PCDHA8: variants seen among roughly 807,000 people sequenced by gnomAD.
PCDHA8 encodes the protein protocadherin alpha-8.
In PCDHA8, 53 loss-of-function variants were observed where a neutral mutation model predicts 61.8. The observed-to-expected ratio is 0.86, with a 90% CI of 0.69 to 1.08. The LOEUF (loss-of-function observed/expected upper bound fraction) is 1.08, where lower values mean the gene tolerates loss of function less well. Among genes scored for constraint, PCDHA8 ranks in the 50% least tolerant of loss-of-function variants. The pLI, the probability that PCDHA8 is intolerant of heterozygous loss-of-function variation, is 0.00. For synonymous variants in PCDHA8, 618 were observed against 556.6 expected (o/e 1.11, Z -1.55); for missense variants, 1,293 against 1,245.0 (o/e 1.04, Z -0.58).
intron 1 of PCDHA8, among the ~76,000 whole-genome samples, chr5:140,957,326 C>G (rs2095350528): frequency 6.6e-6 from 1 of 152,118 alleles, no homozygotes; most frequent in African/African-American, 2.4e-5. Context: ...GAGCACAGTA[C>G]AGTAAGATAT....
At chr5:140,901,469 G>A (rs1056054450) in intron 1 of PCDHA8, among the ~76,000 whole-genome samples, 1 of 152,080 alleles carries the variant, frequency 6.6e-6, no homozygotes, top group African/African-American at 2.4e-5. Flanking sequence ...CTTTTCTCGA[G>A]TTTATGTTCT....
At position 140,896,858 on chromosome 5, in the gene PCDHA8, A is replaced by T. The variant is rs1448787828; in HGVS notation, c.2394+53143A>T. On this transcript the variant is annotated intron_variant, in intron 1 of 3. Coordinates refer to ENST00000531613, the MANE Select transcript of PCDHA8 (RefSeq NM_018911.3). Reference sequence around the variant, plus strand: ...TATTTTTTAATTTTATGGGTACATAATAAGTGTACATATTTATGGGGTATA... The same window carrying T: ...TATTTTTTAATTTTATGGGTACATATTAAGTGTACATATTTATGGGGTATA... Among the ~76,000 whole-genome samples, 3 of 152,310 alleles carry T rather than the reference A, an allele frequency of 2.0e-5. No homozygotes were observed. In the South Asian group the frequency reaches 6.2e-4, roughly 32 times the overall value.
intron 1 of PCDHA8, chr5:140,858,383 A>T: frequency 6.3e-7 from 1 of 1,584,980 alleles, no homozygotes; most frequent in African/African-American, 1.3e-5. Flanking sequence ...ACCATGCCCA[A>T]TGGTAGATGT....
chr5:140,871,272 G>C lies in PCDHA8; in HGVS notation c.2394+27557G>C, dbSNP rs782818690. Reference sequence around the variant, plus strand: ...TGCTGTATACGGCGCTGTGGTGGTCGGCAACGCCCACTGAGGGCGCGTGCG... The same window carrying C: ...TGCTGTATACGGCGCTGTGGTGGTCCGCAACGCCCACTGAGGGCGCGTGCG... On this transcript the variant is annotated intron_variant, in intron 1 of 3. Coordinates refer to ENST00000531613, the MANE Select transcript of PCDHA8 (RefSeq NM_018911.3). 25 of 1,613,826 alleles carry C rather than the reference G, an allele frequency of 1.5e-5. No individual in the cohort carries two copies. The East Asian group carries it at 5.1e-4, about 33-fold the overall frequency.
At chr5:140,919,940 A>C (rs1162813087) in intron 1 of PCDHA8, among the ~76,000 whole-genome samples, 3 of 152,064 alleles carry the variant, frequency 2.0e-5, no homozygotes, top group African/African-American at 7.2e-5. Context: ...GGCTAATTCC[A>C]GTGAAAAGTT....
At chr5:140,930,356 A>G (rs1554207746) in intron 1 of PCDHA8, 1 of 152,106 alleles carries the variant, frequency 6.6e-6, no homozygotes, top group African/African-American at 2.4e-5. Context: ...CAAATATTTC[A>G]ATTTATCTGT....
At chr5:140,927,720 G>A in intron 1 of PCDHA8, 6 of 1,614,174 alleles carry the variant, frequency 3.7e-6, no homozygotes, top group Non-Finnish European at 4.2e-6. Context: ...GCAACAGCAC[G>A]CAAGCAGAGC....
chr5:140,857,763 C>T (rs782102895), intron 1 of PCDHA8: 4 of 1,597,078 alleles, frequency 2.5e-6, no homozygotes, highest in East Asian at 2.2e-5. Context: ...GCTGGCAGCG[C>T]GGGCGGTGCA....
chr5:140,927,309 C>T (rs2084071798), intron 1 of PCDHA8: 4 of 1,614,058 alleles, frequency 2.5e-6, no homozygotes, highest in Admixed American at 1.7e-5. Context: ...TCCTGACGCC[C>T]GGAGCCCGCT....
At chr5:140,921,080 A>G (rs1329038497) in intron 1 of PCDHA8, among the ~76,000 whole-genome samples, 1 of 152,008 alleles carries the variant, frequency 6.6e-6, no homozygotes. Context: ...CTTGGGCTCA[A>G]GAGAATCCTC....
chr5:140,870,229 C>T (rs781897836), intron 1 of PCDHA8: 13 of 1,614,046 alleles, frequency 8.1e-6, no homozygotes, highest in East Asian at 4.5e-5. Context: ...CGTGTCTGAC[C>T]GTGACTCAGG....
intron 1 of PCDHA8, among the ~76,000 whole-genome samples, chr5:140,873,200 T>C (rs1462660228): frequency 6.6e-6 from 1 of 152,228 alleles, no homozygotes; most frequent in Non-Finnish European, 1.5e-5. Context: ...GCTAAAAACA[T>C]TCTTTAAGTA....
intron 1 of PCDHA8, chr5:140,883,153 A>G (rs1268982674): frequency 2.5e-6 from 4 of 1,614,120 alleles, no homozygotes; most frequent in Non-Finnish European, 8.5e-7. Flanking sequence ...CATTTACCAT[A>G]AATCCGAACA....
intron 1 of PCDHA8, chr5:140,876,018 A>G: frequency 6.2e-7 from 1 of 1,613,764 alleles, no homozygotes; most frequent in East Asian, 2.2e-5. Flanking sequence ...AGCTTAAAAT[A>G]AAAACAAAAA....
At chr5:140,871,425 T>A (rs782021225) in intron 1 of PCDHA8, 7 of 1,613,404 alleles carry the variant, frequency 4.3e-6, no homozygotes, top group Admixed American at 3.3e-5. Flanking sequence ...TCAGCCCCAG[T>A]CTTCCTCTAG....
rs541015740 is a variant in PCDHA8 at position 140,862,949 on chromosome 5, C to T, written c.2394+19234C>T. 3 of 542,876 alleles carry T rather than the reference C, an allele frequency of 5.5e-6. No individual in the cohort carries two copies. In the Admixed American group the frequency reaches 5.9e-5, roughly 11 times the overall value. The allele number at this position is 542,876 out of a possible 1,614,324, so 33.6% of individuals were successfully genotyped here. A position where few individuals can be genotyped will look rare whatever the true frequency, so the allele number is the denominator to read the frequency against. On this transcript the variant is annotated intron_variant, in intron 1 of 3. Transcript: ENST00000531613. The stretch of plus-strand genomic sequence containing the variant: ...TGGCGGCGCTGTGAGTGAGCTGGTG[C>T]GGTATTCAGTGGATGCAGGCCACTT...
chr5:140,920,204 G>A (rs185996994), intron 1 of PCDHA8, among the ~76,000 whole-genome samples: 3 of 152,222 alleles, frequency 2.0e-5, no homozygotes, highest in Admixed American at 1.3e-4. Context: ...AGCAGCCACA[G>A]AAAACCAATG....
intron 1 of PCDHA8, chr5:140,968,319 TCAC>T: frequency 6.2e-7 from 1 of 1,613,996 alleles, no homozygotes; most frequent in East Asian, 2.2e-5. Flanking sequence ...GGGCTGCCAG[TCAC>T]CTCCTATGTC....
At chr5:140,885,434 T>C (rs1554182149) in intron 1 of PCDHA8, among the ~76,000 whole-genome samples, 1 of 152,158 alleles carries the variant, frequency 6.6e-6, no homozygotes, top group African/African-American at 2.4e-5. Context: ...AGTGTAAGTG[T>C]GCAATTATAT....
Sources: gnomAD v4.1 joint callset for allele counts (sites outside exome capture counted in the v4.1 genomes callset) on GRCh38, gnomAD v4.1.1 for gene constraint, MANE v1.5 for transcripts, NCBI Gene and HGNC (gene_info 2026-07-23, HGNC 2026-07-21) for gene names.